ATF6: variants seen among roughly 807,000 people sequenced by gnomAD.
The protein encoded by ATF6 is activating transcription factor 6, also known as cyclic AMP-dependent transcription factor ATF-6 alpha.
Under a neutral mutation model 83.6 loss-of-function variants are expected in ATF6, and 53 were observed. That is an observed-to-expected ratio of 0.63 (90% confidence interval 0.51 to 0.80). ATF6 has a LOEUF of 0.80. Among genes scored for constraint, ATF6 ranks in the 30% least tolerant of loss-of-function variants. The pLI, the probability that ATF6 is intolerant of heterozygous loss-of-function variation, is 0.00. For missense variants in ATF6, 744 were observed against 797.9 expected (o/e 0.93, Z 0.81); for synonymous variants, 288 against 285.8 (o/e 1.01, Z -0.08).
chr1:161,822,378 T>C (rs1328757455), intron 9 of ATF6, among the ~76,000 whole-genome samples: 1 of 152,098 alleles, frequency 6.6e-6, no homozygotes, highest in African/African-American at 2.4e-5. Flanking sequence ...TCTTGGGCAG[T>C]GGTATCACAT....
chr1:161,827,825 T>G (rs918184111), intron 9 of ATF6, among the ~76,000 whole-genome samples: 1 of 152,076 alleles, frequency 6.6e-6, no homozygotes, highest in Non-Finnish European at 1.5e-5. Flanking sequence ...TGAATAGACG[T>G]CACACAGGAA....
intron 15 of ATF6, among the ~76,000 whole-genome samples, chr1:161,944,750 A>G (rs1688718060): frequency 6.6e-6 from 1 of 152,234 alleles, no homozygotes; most frequent in African/African-American, 2.4e-5. Context: ...ACCAGAAGGC[A>G]GGACGACTTA....
intron 7 of ATF6, among the ~76,000 whole-genome samples, chr1:161,812,050 A>G (rs910211284): frequency 6.6e-6 from 1 of 152,218 alleles, no homozygotes; most frequent in African/African-American, 2.4e-5. Flanking sequence ...GGAATCAACT[A>G]GCTAAGTGAT....
At chr1:161,781,538 G>A (rs1203527662) in intron 2 of ATF6, among the ~76,000 whole-genome samples, 1 of 152,144 alleles carries the variant, frequency 6.6e-6, no homozygotes, top group African/African-American at 2.4e-5. Context: ...ATTATGAATA[G>A]CATTTACTTT....
intron 14 of ATF6, among the ~76,000 whole-genome samples, chr1:161,884,369 T>C (rs1365374256): frequency 1.3e-5 from 2 of 152,164 alleles, no homozygotes; most frequent in Non-Finnish European, 2.9e-5. Context: ...TGAATAGCGT[T>C]TGTTGATCTT....
intron 15 of ATF6, among the ~76,000 whole-genome samples, chr1:161,916,075 T>C (rs1688094546): frequency 6.6e-6 from 1 of 152,224 alleles, no homozygotes; most frequent in African/African-American, 2.4e-5. Context: ...CTTTTCACCC[T>C]TACCAAGCTT....
Position 161,903,567 on chromosome 1 carries a change from C to T in ATF6, c.1720-8729C>T, listed in dbSNP as rs183126238. Among the ~76,000 whole-genome samples, 205 of 152,264 alleles carry T rather than the reference C, an allele frequency of 1.3e-3. 1 individual carries two copies. The highest frequency in any genetic ancestry group is 3.4e-3 in the Middle Eastern group (1 of 294). On this transcript the variant is annotated intron_variant, in intron 14 of 15. Coordinates refer to ENST00000367942, the MANE Select transcript of ATF6 (RefSeq NM_007348.4). ...GTTGCATTTAACTGTTGCGTTTCCT[C>T]AGGGACTTCACTCTCCTCAAACTTT... is the stretch of plus-strand genomic sequence containing the variant.
rs910595776 is a variant in ATF6 at position 161,906,125 on chromosome 1, G to A, written c.1720-6171G>A. ...TGGGATTATAGGCGTGAGCCACTGC[G>A]CCTGGCCAACTCAAGTTATTGAATG... On this transcript the variant is annotated intron_variant, in intron 14 of 15. Transcript: ENST00000367942. Among the ~76,000 whole-genome samples, 6 of 152,102 alleles carry A rather than the reference G, an allele frequency of 3.9e-5. No homozygotes were observed. In the East Asian group the frequency reaches 5.8e-4, roughly 15 times the overall value.
At chr1:161,850,318 A>T (rs114240664) in intron 10 of ATF6, among the ~76,000 whole-genome samples, 1 of 152,048 alleles carries the variant, frequency 6.6e-6, no homozygotes, top group East Asian at 1.9e-4. Context: ...CTCTTCAGCC[A>T]GTGGTCTTTT....
intron 9 of ATF6, among the ~76,000 whole-genome samples, chr1:161,834,694 G>A (rs548091529): frequency 8.6e-5 from 13 of 151,770 alleles, no homozygotes; most frequent in African/African-American, 3.1e-4. Flanking sequence ...GTTAATGGGT[G>A]CAGCACACCA....
chr1:161,789,774 C>T (rs555033109), intron 4 of ATF6, among the ~76,000 whole-genome samples: 2 of 152,236 alleles, frequency 1.3e-5, no homozygotes, highest in South Asian at 2.1e-4. Context: ...GAATACTTGT[C>T]GAATATTATC....
chr1:161,848,220 A>G (rs1257442936), intron 10 of ATF6, among the ~76,000 whole-genome samples: 2 of 152,128 alleles, frequency 1.3e-5, no homozygotes, highest in South Asian at 4.1e-4. Context: ...ATGTCAGTCC[A>G]TTAATTTGAT....
chr1:161,798,289 AC>A, intron 6 of ATF6, among the ~76,000 whole-genome samples: 1 of 152,232 alleles, frequency 6.6e-6, no homozygotes, highest in East Asian at 1.9e-4. Flanking sequence ...AGCAATCGCA[AC>A]AAAAACAAAA....
chr1:161,945,477 A>C (rs1379181063), intron 15 of ATF6, among the ~76,000 whole-genome samples: 1 of 152,210 alleles, frequency 6.6e-6, no homozygotes, highest in African/African-American at 2.4e-5. Flanking sequence ...TGTTGTCACT[A>C]TGCCAGTCCA....
chr1:161,951,101 A>C (rs1688854259), intron 15 of ATF6, among the ~76,000 whole-genome samples: 1 of 152,218 alleles, frequency 6.6e-6, no homozygotes, highest in Non-Finnish European at 1.5e-5. Context: ...AACTTGATTG[A>C]AAATATTATA....
intron 15 of ATF6, among the ~76,000 whole-genome samples, chr1:161,956,584 A>G (rs915266702): frequency 1.3e-5 from 2 of 152,264 alleles, no homozygotes; most frequent in Admixed American, 1.3e-4. Flanking sequence ...TTAAGCTTCC[A>G]TAACAGCGGT....
rs112331504 is a variant in ATF6, at chr1:161,904,599, C to CA, written c.1720-7690dup. Among the ~76,000 whole-genome samples the CA allele has an allele frequency of 7.7e-3, 1,146 of 149,704 alleles. 23 individuals carry two copies. Among genetic ancestry groups the CA allele is most frequent in the African/African-American group, 0.027 (1,113 of 40,724 alleles). On this transcript the variant is annotated intron_variant, in intron 14 of 15. Coordinates refer to ENST00000367942, the MANE Select transcript of ATF6 (RefSeq NM_007348.4). Reference sequence around the variant, plus strand: ...TGAGACTGTATAAAACAAAACAAAACAAAAAAACAAAAAACAAAAAAAACA... The same window carrying CA: ...TGAGACTGTATAAAACAAAACAAAACAAAAAAAACAAAAAACAAAAAAAACA...
At chr1:161,877,403 C>G (rs1687238206) in intron 14 of ATF6, among the ~76,000 whole-genome samples, 2 of 151,998 alleles carry the variant, frequency 1.3e-5, no homozygotes, top group Non-Finnish European at 2.9e-5. Flanking sequence ...GCTGATATCT[C>G]AAACATGGGG....
At chr1:161,839,690 T>G (rs1474842152) in intron 9 of ATF6, among the ~76,000 whole-genome samples, 1 of 152,166 alleles carries the variant, frequency 6.6e-6, no homozygotes, top group Non-Finnish European at 1.5e-5. Context: ...TAGTTTTAAA[T>G]GGTGATCACT....
Sources: gnomAD v4.1 joint callset for allele counts (sites outside exome capture counted in the v4.1 genomes callset) on GRCh38, gnomAD v4.1.1 for gene constraint, MANE v1.5 for transcripts, NCBI Gene and HGNC (gene_info 2026-07-23, HGNC 2026-07-21) for gene names.